Variants in PITPNC1 observed in about 807,000 individuals in gnomAD.
PITPNC1 encodes phosphatidylinositol transfer protein cytoplasmic 1, also known as cytoplasmic phosphatidylinositol transfer protein 1.
Under a neutral mutation model 44.7 loss-of-function variants are expected in PITPNC1, and 18 were observed. That is an observed-to-expected ratio of 0.40 (90% CI 0.28 to 0.60). The LOEUF (loss-of-function observed/expected upper bound fraction) is 0.60, where lower values mean the gene tolerates loss of function less well. PITPNC1 is among the 20% of genes least tolerant of loss of function. PITPNC1 has a pLI of 0.39. For missense variants in PITPNC1, 290 were observed against 418.4 expected (o/e 0.69, Z 2.68); for synonymous variants, 141 against 149.6 (o/e 0.94, Z 0.42).
At chr17:67,450,227 G>A (rs1425425562) in intron 1 of PITPNC1, among the ~76,000 whole-genome samples, 1 of 152,084 alleles carries the variant, frequency 6.6e-6, no homozygotes, top group Non-Finnish European at 1.5e-5. Flanking sequence ...TGGACAATGG[G>A]CTGTGTGAAT....
intron 5 of PITPNC1, among the ~76,000 whole-genome samples, chr17:67,631,404 C>T (rs1002532114): frequency 2.0e-3 from 284 of 144,658 alleles, no homozygotes; most frequent in African/African-American, 6.9e-3. Flanking sequence ...CTGAGGCGGG[C>T]GGATCACGAG....
intron 5 of PITPNC1, among the ~76,000 whole-genome samples, chr17:67,578,945 G>A (rs373726537): frequency 6.6e-6 from 1 of 152,304 alleles, no homozygotes; most frequent in East Asian, 1.9e-4. Flanking sequence ...TTGCACCACT[G>A]CACTTCAGCC....
intron 6 of PITPNC1, among the ~76,000 whole-genome samples, chr17:67,651,876 A>C (rs2042213245): frequency 6.6e-6 from 1 of 152,216 alleles, no homozygotes; most frequent in Non-Finnish European, 1.5e-5. Context: ...TTCAAGTTCA[A>C]GGAATCCTAC....
chr17:67,504,772 A>G (rs2040079627), intron 1 of PITPNC1, among the ~76,000 whole-genome samples: 1 of 152,132 alleles, frequency 6.6e-6, no homozygotes, highest in South Asian at 2.1e-4. Context: ...AGGTTAATTA[A>G]TTAATTTAGG....
rs78449044 is a variant in PITPNC1 at position 67,649,765 on chromosome 17, C to T, written c.462+17527C>T. Among the ~76,000 whole-genome samples the T allele has an allele frequency of 6.3e-3, 955 of 152,136 alleles. 9 individuals are homozygous for T. The highest frequency in any genetic ancestry group is 0.022 in the African/African-American group (908 of 41,486). ...TTTTTTTTTTAATCTGGGGTCTCCACGACTCCTTCCTCAGGCTCAATAATT... is the reference window on the plus strand; with the variant it reads ...TTTTTTTTTTAATCTGGGGTCTCCATGACTCCTTCCTCAGGCTCAATAATT... On this transcript the variant is annotated intron_variant, in intron 6 of 8. Coordinates refer to ENST00000581322, the MANE Select transcript of PITPNC1 (RefSeq NM_012417.4).
intron 1 of PITPNC1, among the ~76,000 whole-genome samples, chr17:67,393,518 C>T (rs997121811): frequency 6.6e-6 from 1 of 152,062 alleles, no homozygotes; most frequent in African/African-American, 2.4e-5. Context: ...GAATTCTGCC[C>T]TCTGTCAAAG....
At chr17:67,503,855 T>C (rs2040067680) in intron 1 of PITPNC1, among the ~76,000 whole-genome samples, 1 of 152,220 alleles carries the variant, frequency 6.6e-6, no homozygotes, top group South Asian at 2.1e-4. Flanking sequence ...TTACGCGATA[T>C]GAGTTCAGTT....
rs537320563 is a variant in PITPNC1, at chr17:67,507,522, T to C, written c.49-25280T>C. On this transcript the variant is annotated intron_variant, in intron 1 of 8. Transcript: ENST00000581322. Reference sequence around the variant, plus strand: ...CAACATGGTGAAACCCCATCTCCACTAAAAATACAAAAATTAGCCAGGCGT... The same window carrying C: ...CAACATGGTGAAACCCCATCTCCACCAAAAATACAAAAATTAGCCAGGCGT... 7.9e-5 allele frequency among the ~76,000 whole-genome samples: 12 copies of C among 151,602 alleles called. No individual in the cohort carries two copies. In the East Asian group the frequency reaches 2.3e-3, roughly 30 times the overall value.
intron 4 of PITPNC1, among the ~76,000 whole-genome samples, chr17:67,568,144 C>T (rs953850882): frequency 1.3e-5 from 2 of 151,974 alleles, no homozygotes; most frequent in African/African-American, 2.4e-5. Flanking sequence ...GTAGTATGTC[C>T]GTACAATGGA....
intron 1 of PITPNC1, among the ~76,000 whole-genome samples, chr17:67,417,827 G>A (rs2038610567): frequency 6.6e-6 from 1 of 152,030 alleles, no homozygotes; most frequent in African/African-American, 2.4e-5. Context: ...AGGTTCTCTT[G>A]AGCCCAGGAG....
intron 3 of PITPNC1, chr17:67,553,333 G>A (rs1275439430): frequency 3.5e-6 from 1 of 287,110 alleles, no homozygotes; most frequent in Non-Finnish European, 6.5e-6. Context: ...CTTTTATAAT[G>A]CCAACTCTTT....
In PITPNC1 at chr17:67,449,592, A is replaced by G. The variant is rs2143944773; in HGVS notation, c.48+71390A>G. Among the ~76,000 whole-genome samples the G allele has an allele frequency of 1.3e-5, 2 of 152,346 alleles. 1 individual carries two copies. The highest frequency in any genetic ancestry group is 3.9e-4 in the East Asian group (2 of 5,190). On this transcript the variant is annotated intron_variant, in intron 1 of 8. Coordinates refer to ENST00000581322, the MANE Select transcript of PITPNC1 (RefSeq NM_012417.4). ...TCTTCTGTCTTTACCTTGACAAGAC[A>G]TGTACCATTGCTGGGAGGTTTTGCT...
chr17:67,406,159 G>A (rs1212556559), intron 1 of PITPNC1, among the ~76,000 whole-genome samples: 1 of 152,016 alleles, frequency 6.6e-6, no homozygotes, highest in Admixed American at 6.6e-5. Context: ...TGGAGAATGG[G>A]TCTTGCTATG....
chr17:67,501,152 C>T (rs1470233973), intron 1 of PITPNC1, among the ~76,000 whole-genome samples: 2 of 152,202 alleles, frequency 1.3e-5, no homozygotes, highest in Non-Finnish European at 2.9e-5. Context: ...ATTACTTTCT[C>T]TATAGGACCA....
intron 1 of PITPNC1, among the ~76,000 whole-genome samples, chr17:67,473,411 C>T (rs1251162687): frequency 6.6e-6 from 1 of 151,954 alleles, no homozygotes; most frequent in Non-Finnish European, 1.5e-5. Flanking sequence ...TCACTGCAAG[C>T]TCCACCTCCT....
At chr17:67,519,325 C>T (rs1050367053) in intron 1 of PITPNC1, among the ~76,000 whole-genome samples, 2 of 151,922 alleles carry the variant, frequency 1.3e-5, no homozygotes, top group African/African-American at 4.8e-5. Context: ...TACAGGCGTG[C>T]ACCACCACAC....
intron 1 of PITPNC1, among the ~76,000 whole-genome samples, chr17:67,418,548 A>G (rs573029356): frequency 6.6e-6 from 1 of 152,012 alleles, no homozygotes; most frequent in African/African-American, 2.4e-5. Flanking sequence ...GGATGGGGGC[A>G]TATTAGGAAT....
At chr17:67,452,799 T>C (rs2039202032) in intron 1 of PITPNC1, among the ~76,000 whole-genome samples, 1 of 152,250 alleles carries the variant, frequency 6.6e-6, no homozygotes. Flanking sequence ...GGGTCTTATA[T>C]TAAACTTATG....
intron 6 of PITPNC1, among the ~76,000 whole-genome samples, chr17:67,648,108 G>A (rs1252460061): frequency 6.6e-6 from 1 of 152,136 alleles, no homozygotes; most frequent in Non-Finnish European, 1.5e-5. Context: ...GTTTCTGTTC[G>A]ACAAGTTGGA....
Sources: gnomAD v4.1 joint callset for allele counts (sites outside exome capture counted in the v4.1 genomes callset) on GRCh38, gnomAD v4.1.1 for gene constraint, MANE v1.5 for transcripts, NCBI Gene and HGNC (gene_info 2026-07-23, HGNC 2026-07-21) for gene names.